DNAAF11: variants seen among roughly 807,000 people sequenced by gnomAD.
The protein encoded by DNAAF11 is leucine rich repeat containing 6.
Under a neutral mutation model 60.8 loss-of-function variants are expected in DNAAF11, and 45 were observed. The ratio of observed to expected loss-of-function variants is 0.74; its 90% CI spans 0.58 to 0.95. The LOEUF is 0.95. Among genes scored for constraint, DNAAF11 ranks in the 40% least tolerant of loss-of-function variants. The probability of loss-of-function intolerance (pLI) is 0.00; values close to 1 mark genes in which losing one functional copy is unlikely to be tolerated. For missense variants in DNAAF11, 546 were observed against 546.2 expected, an observed-to-expected ratio of 1.00 and a Z score of 0.00; for synonymous variants, 191 against 183.5, an observed-to-expected ratio of 1.04 and a Z score of -0.33.
rs1343939231 is a variant in DNAAF11, at chr8:132,574,019, G to GA, written c.1227-1540dup. On this transcript the variant is annotated intron_variant, in intron 11 of 11. Coordinates refer to ENST00000620350, the MANE Select transcript of DNAAF11 (RefSeq NM_012472.6). Reference sequence around the variant, plus strand: ...CGAAGATGCCCTGAAAGATGTGAAGGAATGTGGGTGAGCAATAAAGGGAGA... The same window carrying GA: ...CGAAGATGCCCTGAAAGATGTGAAGGAAATGTGGGTGAGCAATAAAGGGAGA... Among the ~76,000 whole-genome samples the GA allele has an allele frequency of 2.0e-5, 3 of 152,182 alleles. No individual in the cohort carries two copies. The East Asian group carries it at 5.8e-4, about 29-fold the overall frequency.
In DNAAF11 at chr8:132,619,034, A is replaced by C. The variant is rs1819485924; in HGVS notation, c.914+3577T>G. 2.0e-5 allele frequency among the ~76,000 whole-genome samples: 3 copies of C among 152,102 alleles called. No individual in the cohort carries two copies. In the South Asian group the frequency reaches 6.2e-4, roughly 32 times the overall value. On this transcript the variant is annotated intron_variant, in intron 7 of 11. Coordinates refer to ENST00000620350, the MANE Select transcript of DNAAF11 (RefSeq NM_012472.6). ...TGCGGCACTATTCACAATAGCAAAG[A>C]CTTGGAACCAACCCAAATGTCCAAC... is the stretch of plus-strand genomic sequence containing the variant.
At chr8:132,599,106 C>T (rs905885966) in intron 10 of DNAAF11, among the ~76,000 whole-genome samples, 2 of 151,982 alleles carry the variant, frequency 1.3e-5, no homozygotes, top group African/African-American at 4.8e-5. Context: ...CCACCGATCC[C>T]ACAGAAATAC....
intron 2 of DNAAF11, among the ~76,000 whole-genome samples, chr8:132,660,614 C>T (rs538760580): frequency 1.7e-3 from 262 of 152,300 alleles, no homozygotes; most frequent in African/African-American, 6.2e-3. Context: ...TTTAATTCAT[C>T]ATTCTTCTGT....
At chr8:132,580,354 G>A (rs1183253159) in intron 11 of DNAAF11, among the ~76,000 whole-genome samples, 1 of 152,108 alleles carries the variant, frequency 6.6e-6, no homozygotes, top group Non-Finnish European at 1.5e-5. Context: ...TTCTTTGCAG[G>A]CATACAGAAA....
chr8:132,656,733 A>C, intron 3 of DNAAF11, 97 bp downstream of exon 3: 1 of 571,088 alleles, frequency 1.8e-6, no homozygotes. Flanking sequence ...TGGCCTCCCA[A>C]AGTGCTGGGA....
At chr8:132,633,083 T>C (rs1013332749) in intron 4 of DNAAF11, 120 bp from the exon 5 acceptor site, 4 of 610,828 alleles carry the variant, frequency 6.5e-6, no homozygotes, top group Non-Finnish European at 1.1e-5. Context: ...TAAAACAATA[T>C]AATTAATGGG....
intron 11 of DNAAF11, among the ~76,000 whole-genome samples, chr8:132,572,873 C>T (rs1814354637): frequency 6.6e-6 from 1 of 152,108 alleles, no homozygotes; most frequent in African/African-American, 2.4e-5. Flanking sequence ...TGCAGCTCAT[C>T]AGGCTTCTGG....
chr8:132,646,696 A>T (rs189665874), intron 3 of DNAAF11, among the ~76,000 whole-genome samples: 188 of 152,374 alleles, frequency 1.2e-3, no homozygotes, highest in Middle Eastern at 0.01. Flanking sequence ...TTGCAATCCT[A>T]GTCTCTGATA....
intron 7 of DNAAF11, among the ~76,000 whole-genome samples, chr8:132,616,361 G>A (rs140929092): frequency 2.3e-4 from 35 of 152,148 alleles, no homozygotes; most frequent in African/African-American, 8.4e-4. Context: ...AATGTAGGAG[G>A]CCAACAGATA....
chr8:132,604,510 G>T (rs1817947865), intron 10 of DNAAF11, among the ~76,000 whole-genome samples: 1 of 152,136 alleles, frequency 6.6e-6, no homozygotes, highest in Non-Finnish European at 1.5e-5. Flanking sequence ...TTCTTGGAGT[G>T]TTCCTGTAAC....
upstream of DNAAF11, among the ~76,000 whole-genome samples, chr8:132,678,612 T>C (rs1364051081): frequency 1.3e-5 from 2 of 152,068 alleles, no homozygotes; most frequent in African/African-American, 4.8e-5. Context: ...CTTGAACTCC[T>C]GGCCTCAAGA....
intron 3 of DNAAF11, among the ~76,000 whole-genome samples, chr8:132,649,279 G>A (rs923933040): frequency 2.6e-5 from 4 of 152,208 alleles, no homozygotes; most frequent in South Asian, 2.1e-4. Context: ...AGGATTCCCT[G>A]TTTAATAAAT....
At chr8:132,657,794 T>C (rs918322522) in intron 2 of DNAAF11, among the ~76,000 whole-genome samples, 4 of 152,236 alleles carry the variant, frequency 2.6e-5, no homozygotes, top group Non-Finnish European at 4.4e-5. Context: ...ATCCTCATAA[T>C]AACCCTATGA....
At chr8:132,605,529 T>C (rs1564011010) in intron 10 of DNAAF11, among the ~76,000 whole-genome samples, 1 of 152,192 alleles carries the variant, frequency 6.6e-6, no homozygotes, top group Non-Finnish European at 1.5e-5. Flanking sequence ...AGACCTACTC[T>C]TTGCCAGGAT....
In DNAAF11 at chr8:132,571,310, A is replaced by G. The variant is rs776688885; in HGVS notation, c.*996T>C. Among the ~76,000 whole-genome samples, 34 of 152,220 alleles carry G rather than the reference A, an allele frequency of 2.2e-4. No homozygotes were observed. The highest frequency in any genetic ancestry group is 4.7e-4 in the Non-Finnish European group (32 of 68,046). ...GGGGCTAGCACTCAATAGTTGCTCA[A>G]TAAGTATTTGTTGAATGAATATTTG... On this transcript the variant is annotated 3_prime_UTR_variant, in exon 12 of 12. Transcript: ENST00000620350.
the DNAAF11 span, among the ~76,000 whole-genome samples, chr8:132,697,689 A>G: frequency 6.6e-6 from 1 of 152,278 alleles, no homozygotes; most frequent in East Asian, 1.9e-4. Flanking sequence ...GGAGACATCA[A>G]TGTGTATGTG....
chr8:132,656,625 C>T (rs577025059), intron 3 of DNAAF11, among the ~76,000 whole-genome samples: 5 of 152,110 alleles, frequency 3.3e-5, no homozygotes, highest in African/African-American at 1.2e-4. Context: ...GTGCATGCCA[C>T]CACGCCTGGC....
the DNAAF11 span, among the ~76,000 whole-genome samples, chr8:132,685,323 C>A: frequency 6.6e-6 from 1 of 152,130 alleles, no homozygotes; most frequent in Non-Finnish European, 1.5e-5. Flanking sequence ...AAAATTAAAA[C>A]CATATCTCTG....
At chr8:132,643,214 G>A (rs1480861650) in intron 3 of DNAAF11, among the ~76,000 whole-genome samples, 1 of 152,198 alleles carries the variant, frequency 6.6e-6, no homozygotes, top group Non-Finnish European at 1.5e-5. Context: ...GGGGACCCCT[G>A]TGCTAGAGAG....
Sources: gnomAD v4.1 joint callset for allele counts (sites outside exome capture counted in the v4.1 genomes callset) on GRCh38, gnomAD v4.1.1 for gene constraint, MANE v1.5 for transcripts, NCBI Gene and HGNC (gene_info 2026-07-23, HGNC 2026-07-21) for gene names.